The following YAP1 variants were observed in gnomAD, a reference collection of about 807,000 sequenced individuals.
YAP1 encodes transcriptional coactivator YAP1.
A neutral mutation model predicts 56.9 loss-of-function variants in YAP1; 5 were observed. The ratio of observed to expected loss-of-function variants is 0.09; its 90% confidence interval spans 0.05 to 0.18. The LOEUF is 0.18. YAP1 is among the 10% of genes least tolerant of loss of function. YAP1 has a pLI of 1.00. For synonymous variants in YAP1, 265 were observed against 248.1 expected (o/e 1.07, Z -0.64); for missense variants, 539 against 651.8 (o/e 0.83, Z 1.88).
intron 2 of YAP1, among the ~76,000 whole-genome samples, chr11:102,151,188 C>T (rs1945635845): frequency 6.6e-6 from 1 of 152,054 alleles, no homozygotes; most frequent in African/African-American, 2.4e-5. Flanking sequence ...GATTTTGTCC[C>T]TTTCCTTCCT....
At chr11:102,140,417 A>AT (rs1286932521) in intron 2 of YAP1, among the ~76,000 whole-genome samples, 4 of 152,230 alleles carry the variant, frequency 2.6e-5, no homozygotes, top group Admixed American at 1.3e-4. Flanking sequence ...TGGGCATTCT[A>AT]TAAAAGAGAA....
intron 7 of YAP1, chr11:102,226,938 G>A (rs1950225335): frequency 6.6e-6 from 1 of 152,436 alleles, no homozygotes. Context: ...TTTATTTGGG[G>A]TTGATTTTTC....
intron 2 of YAP1, among the ~76,000 whole-genome samples, chr11:102,119,783 G>A (rs1478929878): frequency 2.6e-5 from 4 of 152,046 alleles, no homozygotes; most frequent in Non-Finnish European, 5.9e-5. Context: ...GCATTGCCTT[G>A]TACCTTAAGG....
chr11:102,141,237 G>A (rs1945006418), intron 2 of YAP1, among the ~76,000 whole-genome samples: 1 of 152,190 alleles, frequency 6.6e-6, no homozygotes, highest in African/African-American at 2.4e-5. Flanking sequence ...TTGATATTGT[G>A]TCTTGTGTGC....
intron 4 of YAP1, among the ~76,000 whole-genome samples, chr11:102,192,396 C>T (rs1008643143): frequency 7.2e-5 from 11 of 152,208 alleles, no homozygotes; most frequent in African/African-American, 2.4e-4. Context: ...TATGTCATTG[C>T]TCTGACCTGT....
chr11:102,177,690 A>C (rs1282669194), intron 3 of YAP1, among the ~76,000 whole-genome samples: 2 of 151,902 alleles, frequency 1.3e-5, no homozygotes, highest in Non-Finnish European at 2.9e-5. Context: ...AAAAAAAAAA[A>C]AAAAAGTTTA....
chr11:102,118,887 A>C (rs1943474175), intron 2 of YAP1, among the ~76,000 whole-genome samples: 1 of 152,104 alleles, frequency 6.6e-6, no homozygotes, highest in Admixed American at 6.5e-5. Context: ...AGGAAGTTTC[A>C]TGAAGAATAA....
At chr11:102,205,155 A>T (rs77224289) in intron 4 of YAP1, among the ~76,000 whole-genome samples, 81 of 148,602 alleles carry the variant, frequency 5.5e-4, no homozygotes, top group African/African-American at 1.4e-3. Flanking sequence ...TCAAAAAAAA[A>T]TTTTTTTTTT....
At chr11:102,136,723 G>A (rs1944696265) in intron 2 of YAP1, among the ~76,000 whole-genome samples, 1 of 152,166 alleles carries the variant, frequency 6.6e-6, no homozygotes, top group African/African-American at 2.4e-5. Context: ...GTATATATGA[G>A]TGTAGGAGTT....
intron 3 of YAP1, among the ~76,000 whole-genome samples, chr11:102,165,178 G>C (rs1185039857): frequency 6.6e-6 from 1 of 151,156 alleles, no homozygotes; most frequent in East Asian, 1.9e-4. Context: ...GGGAAACATG[G>C]TGAAACCTTG....
At chr11:102,123,849 G>A (rs866261962) in intron 2 of YAP1, among the ~76,000 whole-genome samples, 4 of 151,662 alleles carry the variant, frequency 2.6e-5, no homozygotes, top group South Asian at 4.2e-4. Flanking sequence ...CCGTGGTCTC[G>A]ATCTCCTGAC....
At chr11:102,165,480 C>T (rs978328150) in intron 3 of YAP1, among the ~76,000 whole-genome samples, 1 of 152,026 alleles carries the variant, frequency 6.6e-6, no homozygotes, top group African/African-American at 2.4e-5. Context: ...AAAGAGGTGA[C>T]TTTGACACAG....
intron 2 of YAP1, among the ~76,000 whole-genome samples, chr11:102,153,894 C>T (rs1159723418): frequency 6.6e-6 from 1 of 151,914 alleles, no homozygotes; most frequent in African/African-American, 2.4e-5. Context: ...CCTGTGAACC[C>T]ACCTTCTGTG....
rs1591100444 is a variant in YAP1, at chr11:102,114,222, T to C, written c.400T>C (p.Leu134=). The C allele has an allele frequency of 1.2e-6, 2 of 1,613,948 alleles. No homozygotes were observed. The highest frequency in any genetic ancestry group is 3.3e-5 in the Admixed American group (2 of 60,002). ...RAHSSPASLQ[L]GAVSPGTLTP... ...TCATTCCTCTCCAGCTTCTCTGCAG[T>C]TGGGAGCTGTTTCTCCTGGGACACT... is the stretch of plus-strand genomic sequence containing the variant. Residue 134 remains leucine, a synonymous_variant, in exon 2 of 9, where the codon TTG becomes CTG. Transcript: ENST00000282441.
Position 102,112,291 on chromosome 11 carries a change from A to G in YAP1, c.321+1122A>G, listed in dbSNP as rs554289652. On this transcript the variant is annotated intron_variant, in intron 1 of 8. Coordinates refer to ENST00000282441, the MANE Select transcript of YAP1 (RefSeq NM_001130145.3). ...ACATGGCTGCTATTCCACATACACAATGTTCGATTATTGTGCCAACTTGAT... is the reference window on the plus strand; with the variant it reads ...ACATGGCTGCTATTCCACATACACAGTGTTCGATTATTGTGCCAACTTGAT... 259 of 619,154 alleles carry G rather than the reference A, an allele frequency of 4.2e-4. No homozygotes were observed. The African/African-American group carries it at 4.4e-3, about 11-fold the overall frequency. 38.4% of individuals were successfully genotyped at this position (619,154 alleles called of 1,614,324 possible).
At chr11:102,183,086 A>G (rs1947723585) in intron 3 of YAP1, among the ~76,000 whole-genome samples, 1 of 152,254 alleles carries the variant, frequency 6.6e-6, no homozygotes, top group Non-Finnish European at 1.5e-5. Context: ...TAATCAAGTA[A>G]TTACAATTCT....
chr11:102,111,389 C>G (rs186247039), intron 1 of YAP1, among the ~76,000 whole-genome samples: 2 of 152,216 alleles, frequency 1.3e-5, no homozygotes, highest in Admixed American at 1.3e-4. Context: ...TTGTTTTTCC[C>G]TTCTGAGTTT....
chr11:102,193,925 G>A (rs1948438373), intron 4 of YAP1, among the ~76,000 whole-genome samples: 1 of 150,268 alleles, frequency 6.7e-6, no homozygotes, highest in South Asian at 2.1e-4. Flanking sequence ...TGCAACCTCC[G>A]CCTCCCGAGT....
At chr11:102,175,365 A>G (rs1404004200) in intron 3 of YAP1, among the ~76,000 whole-genome samples, 2 of 152,110 alleles carry the variant, frequency 1.3e-5, no homozygotes, top group African/African-American at 4.8e-5. Flanking sequence ...GCGCCACTGC[A>G]CTCCAGCCTG....
Sources: allele counts gnomAD v4.1 joint callset (sites outside exome capture counted in the v4.1 genomes callset), GRCh38; gene constraint gnomAD v4.1.1; transcripts MANE v1.5; gene names NCBI Gene and HGNC (gene_info 2026-07-23, HGNC 2026-07-21).